The following ACTR5 variants were observed in gnomAD, a reference collection of about 807,000 sequenced individuals.
ACTR5 encodes actin related protein 5.
In ACTR5, 43 loss-of-function variants were observed where a neutral mutation model predicts 61.2. The ratio of observed to expected loss-of-function variants is 0.70; its 90% confidence interval spans 0.55 to 0.91. ACTR5 has a LOEUF of 0.91. Ranked by LOEUF, ACTR5 falls within the 40% of genes least tolerant of loss-of-function variation. The pLI is 0.00. For missense variants in ACTR5, 798 were observed against 782.2 expected (o/e 1.02, Z -0.24); for synonymous variants, 333 against 310.5 (o/e 1.07, Z -0.76).
intron 5 of ACTR5, among the ~76,000 whole-genome samples, chr20:38,763,436 C>G (rs558025484): frequency 2.0e-5 from 3 of 152,336 alleles, no homozygotes; most frequent in African/African-American, 7.2e-5. Context: ...GACAGAGGAG[C>G]CTGTCATTGC....
chr20:38,749,536 G>A (rs1322134912), intron 1 of ACTR5, among the ~76,000 whole-genome samples: 3 of 152,226 alleles, frequency 2.0e-5, no homozygotes, highest in Admixed American at 6.5e-5. Context: ...GGCTTTTACT[G>A]AGTGAAATGG....
At chr20:38,764,676 T>A (rs1186130214) in intron 5 of ACTR5, among the ~76,000 whole-genome samples, 3 of 152,140 alleles carry the variant, frequency 2.0e-5, no homozygotes, top group African/African-American at 7.2e-5. Flanking sequence ...CACATACATT[T>A]ATTTATATTT....
chr20:38,754,748 A>C (rs902011770), intron 3 of ACTR5, among the ~76,000 whole-genome samples: 16 of 151,636 alleles, frequency 1.1e-4, no homozygotes, highest in South Asian at 2.1e-4. Context: ...GCCACCACGC[A>C]TGGCTAATTT....
intron 5 of ACTR5, chr20:38,761,942 A>G (rs948475162): frequency 1.3e-5 from 2 of 152,254 alleles, no homozygotes; most frequent in Non-Finnish European, 2.9e-5. Context: ...GATTGCCTAA[A>G]TAGCACCTGG....
intron 5 of ACTR5, among the ~76,000 whole-genome samples, 193 bp downstream of exon 5, chr20:38,756,232 C>A (rs2084419420): frequency 2.6e-5 from 4 of 152,178 alleles, no homozygotes; most frequent in Admixed American, 1.3e-4. Flanking sequence ...GATCCCCGGA[C>A]CCCTGAGCGC....
chr20:38,758,674 G>A (rs1362465301), intron 5 of ACTR5, among the ~76,000 whole-genome samples: 2 of 151,620 alleles, frequency 1.3e-5, no homozygotes, highest in Non-Finnish European at 1.5e-5. Flanking sequence ...ATGATCAGTC[G>A]TCAAAGCTTT....
At chr20:38,749,918 T>C in intron 1 of ACTR5, 92 bp from the exon 2 acceptor site, 1 of 1,113,284 alleles carries the variant, frequency 9.0e-7, no homozygotes, top group Non-Finnish European at 1.3e-6. Context: ...CAAAAGCAAA[T>C]TCAGTCCTGC....
At chr20:38,759,375 G>A (rs1459657366) in intron 5 of ACTR5, among the ~76,000 whole-genome samples, 1 of 88,708 alleles carries the variant, frequency 1.1e-5, no homozygotes, top group East Asian at 3.7e-4. Context: ...AAACTCTAGC[G>A]AGAGAGAAGC....
chr20:38,748,506 G>A lies in ACTR5; in HGVS notation c.28G>A (p.Asp10Asn). The A allele has an allele frequency of 1.3e-6, 2 of 1,495,372 alleles. No homozygotes were observed. The highest frequency in any genetic ancestry group is 8.9e-7 in the Non-Finnish European group (1 of 1,128,928). 92.6% of individuals were successfully genotyped at this position (1,495,372 alleles called of 1,614,324 possible). A position where few individuals can be genotyped will look rare whatever the true frequency, so the allele number is the denominator to read the frequency against. ...GGCGGCGAACGTGTTCCCGTTCCGC[G>A]ACGCCCGTGCCGCACCGGACCCAGT... MAANVFPFRDARAAPDPVLE... is the reference protein window; with the variant it reads MAANVFPFRNARAAPDPVLE... Residue 10 changes from aspartate to asparagine, a missense_variant, in exon 1 of 9, where the codon GAC (aspartate) becomes AAC (asparagine). Asp to Asn is a conservative substitution (Grantham distance 23, BLOSUM62 1). Transcript: ENST00000243903.
chr20:38,766,287 G>C lies in ACTR5; in HGVS notation c.1343G>C (p.Arg448Thr). 6.2e-7 allele frequency: 1 copy of C among 1,614,102 alleles called. No homozygotes were observed. The highest frequency in any genetic ancestry group is 8.5e-7 in the Non-Finnish European group (1 of 1,180,008). Residue 448 changes from arginine (R) to threonine (T), a missense_variant, in exon 7 of 9, where the codon AGA (arginine) becomes ACA (threonine). By Grantham distance (71) the Arg-to-Thr change is moderately conservative. Coordinates refer to ENST00000243903, the MANE Select transcript of ACTR5 (RefSeq NM_024855.4). The part of the protein sequence containing the change: ...AYHQLFVGTE[R>T]IRAPEIIFQP... ...CATCAGCTATTTGTTGGGACAGAAA[G>C]AATTCGAGCTCCAGAGATTATTTTC...
intron 1 of ACTR5, among the ~76,000 whole-genome samples, chr20:38,749,660 C>T (rs184702446): frequency 6.6e-6 from 1 of 152,176 alleles, no homozygotes; most frequent in Non-Finnish European, 1.5e-5. Flanking sequence ...GAAACAGGGA[C>T]GAGTTAGGAG....
At chr20:38,748,992 G>A (rs909181222) in intron 1 of ACTR5, 139 bp downstream of exon 1, 1 of 1,082,244 alleles carries the variant, frequency 9.2e-7, no homozygotes, top group Non-Finnish European at 1.3e-6. Flanking sequence ...GCTAGGCGCT[G>A]TGGGTGTAGC....
chr20:38,767,273 C>A (rs2084492172), intron 7 of ACTR5, among the ~76,000 whole-genome samples, 191 bp from the exon 8 acceptor site: 1 of 151,634 alleles, frequency 6.6e-6, no homozygotes, highest in South Asian at 2.1e-4. Context: ...ACGGTTTTGT[C>A]TGGCTGTTTG....
chr20:38,748,748 G>T lies in ACTR5; in HGVS notation c.270G>T (p.Leu90=). 1 of 1,595,158 alleles carries T rather than the reference G, an allele frequency of 6.3e-7. No homozygotes were observed. Among genetic ancestry groups the T allele is most frequent in the Admixed American group, 1.7e-5 (1 of 57,480 alleles). The part of the protein sequence containing the change: ...VGNALGSLEP[L]RWMLRSPFDR... ...ACGCTCTGGGCAGCCTGGAGCCACT[G>T]CGCTGGATGCTGCGCTCGCCCTTCG... The change falls in exon 1 of 9, where the codon CTG becomes CTT. Residue 90 remains leucine (L), a synonymous_variant. Coordinates refer to ENST00000243903, the MANE Select transcript of ACTR5 (RefSeq NM_024855.4).
At chr20:38,765,816 C>T (rs1050213209) in intron 6 of ACTR5, among the ~76,000 whole-genome samples, 2 of 152,186 alleles carry the variant, frequency 1.3e-5, no homozygotes, top group African/African-American at 2.4e-5. Flanking sequence ...TAAGCCAATG[C>T]CAGTACACAT....
In ACTR5 at chr20:38,771,561, T is replaced by G; in HGVS notation, c.1569T>G (p.Val523=). The G allele has an allele frequency of 6.2e-7, 1 of 1,610,650 alleles. No individual in the cohort carries two copies. Among genetic ancestry groups the G allele is most frequent in the Non-Finnish European group, 8.5e-7 (1 of 1,177,590 alleles). The stretch of plus-strand genomic sequence containing the variant: ...CCTGGTGAATCTTTGTGTTTCAGGT[T>G]CAACTTGCCTCGAACCCTGTGCTGG... ...EMRPFRSSFQ[V]QLASNPVLDA... The change falls in exon 9 of 9, where the codon GTT becomes GTG. Residue 523 remains valine (V), a splice_region_variant and synonymous_variant. Transcript: ENST00000243903.
At chr20:38,770,374 A>G (rs181765370) in intron 8 of ACTR5, among the ~76,000 whole-genome samples, 95 of 152,334 alleles carry the variant, frequency 6.2e-4, no homozygotes, top group African/African-American at 2.2e-3. Context: ...CAAAATGAAA[A>G]CCAAGAAAAC....
At chr20:38,759,143 A>T (rs1041646560) in intron 5 of ACTR5, among the ~76,000 whole-genome samples, 1 of 152,204 alleles carries the variant, frequency 6.6e-6, no homozygotes, top group African/African-American at 2.4e-5. Flanking sequence ...GAGCATCATC[A>T]TTTGTTGGAA....
In ACTR5 at chr20:38,766,705, C is replaced by G. The variant is rs147320036; in HGVS notation, c.1433+328C>G. 1.7e-3 allele frequency among the ~76,000 whole-genome samples: 264 copies of G among 152,230 alleles called. 1 individual carries two copies. Among genetic ancestry groups the G allele is most frequent in the African/African-American group, 6.0e-3 (250 of 41,548 alleles). On this transcript the variant is annotated intron_variant, in intron 7 of 8. Transcript: ENST00000243903. ...TTAAAGACTAGTGATTTTAAATCACCCTAAAAATATTGCAGAGCTAATAAA... is the reference window on the plus strand; with the variant it reads ...TTAAAGACTAGTGATTTTAAATCACGCTAAAAATATTGCAGAGCTAATAAA...
Sources: allele counts gnomAD v4.1 joint callset (sites outside exome capture counted in the v4.1 genomes callset), GRCh38; gene constraint gnomAD v4.1.1; transcripts MANE v1.5; gene names NCBI Gene and HGNC (gene_info 2026-07-23, HGNC 2026-07-21).